MTSS2: variants seen among roughly 807,000 people sequenced by gnomAD.
MTSS2 encodes protein MTSS 2.
A neutral mutation model predicts 67.1 loss-of-function variants in MTSS2; 27 were observed. The observed-to-expected ratio is 0.40, with a 90% CI of 0.30 to 0.55. The LOEUF is 0.55. Among genes scored for constraint, MTSS2 ranks in the 20% least tolerant of loss-of-function variants. MTSS2 has a pLI of 0.43. For synonymous variants in MTSS2, 624 were observed against 468.6 expected, an observed-to-expected ratio of 1.33 and a Z score of -4.28; for missense variants, 1,171 against 1,067.8, an observed-to-expected ratio of 1.10 and a Z score of -1.35.
At position 70,661,691 on chromosome 16, in the gene MTSS2, C is replaced by T. The variant is rs749603793; in HGVS notation, c.*1986G>A. 3.9e-6 allele frequency: 1 copy of T among 256,900 alleles called. No homozygotes were observed. Among genetic ancestry groups the T allele is most frequent in the South Asian group, 4.0e-5 (1 of 24,878 alleles). 15.9% of individuals were successfully genotyped at this position (256,900 alleles called of 1,614,324 possible). The stretch of plus-strand genomic sequence containing the variant: ...GGGGATGGAGTAGAGTATGTACAGC[C>T]CCCGGGGCTCACAGGGGAGGGGGAC... On this transcript the variant is annotated 3_prime_UTR_variant, in exon 15 of 15. Coordinates refer to ENST00000338779, the MANE Select transcript of MTSS2 (RefSeq NM_138383.3).
rs2053181260 is a variant in MTSS2 at position 70,678,171 on chromosome 16, GA to G, written c.624+80del. 5 of 1,504,020 alleles carry G rather than the reference GA, an allele frequency of 3.3e-6. 1 individual carries two copies. 93.2% of individuals were successfully genotyped at this position (1,504,020 alleles called of 1,614,324 possible). On this transcript the variant is annotated intron_variant, in intron 8 of 14. Transcript: ENST00000338779. ...GATGCCCCCAGCCAGGGACTGCTGA[GA>G]AGTGACCCTTCTTGGAGGTCAGAAG...
chr16:70,668,126 A>C (rs2151917036), intron 11 of MTSS2, among the ~76,000 whole-genome samples: 1 of 152,182 alleles, frequency 6.6e-6, no homozygotes, highest in African/African-American at 2.4e-5. Context: ...TTTTCTATAA[A>C]GTCTGGCTGG....
intron 14 of MTSS2, 74 bp from the exon 15 acceptor site, chr16:70,664,523 AG>A: frequency 6.4e-7 from 1 of 1,573,660 alleles, no homozygotes; most frequent in Non-Finnish European, 8.6e-7. Context: ...GTGAGCACAG[AG>A]GGGGAAGGAC....
At position 70,665,488 on chromosome 16, in the gene MTSS2, C is replaced by A; in HGVS notation, c.1106G>T (p.Ser369Ile). 1 of 1,556,902 alleles carries A rather than the reference C, an allele frequency of 6.4e-7. No homozygotes were observed. Among genetic ancestry groups the A allele is most frequent in the Non-Finnish European group, 8.7e-7 (1 of 1,151,082 alleles). ...SEASETCQSV[S>I]ECSSPTSDWS... is the part of the protein sequence containing the mutation. The stretch of plus-strand genomic sequence containing the variant: ...GACCGAGGTGGGGGAGCTGCACTCG[C>A]TAACGGACTGGCAGGTTTCCGAGGC... Residue 369 changes from serine to isoleucine, a missense_variant, in exon 12 of 15, where the codon AGC becomes ATC. By Grantham distance (142) the Ser-to-Ile change is moderately radical (BLOSUM62 -2). This residue lies in a region of MTSS2 where 924 missense variants were observed against 756.0 expected (regional missense o/e 1.22). Transcript: ENST00000338779.
In MTSS2 at chr16:70,676,176, C is replaced by T. The variant is rs571602665; in HGVS notation, c.830+705G>A. 5.3e-5 allele frequency among the ~76,000 whole-genome samples: 8 copies of T among 152,352 alleles called. No individual in the cohort carries two copies. In the South Asian group the frequency reaches 1.4e-3, roughly 28 times the overall value. The stretch of plus-strand genomic sequence containing the variant: ...AGCACTTCACTCTGTGCTTACTGTC[C>T]TCCCCACCCAAGGAAGCTTGAACCA... On this transcript the variant is annotated intron_variant, in intron 10 of 14. Coordinates refer to ENST00000338779, the MANE Select transcript of MTSS2 (RefSeq NM_138383.3).
intron 6 of MTSS2, 133 bp from the exon 7 acceptor site, chr16:70,679,456 G>A: frequency 7.7e-7 from 1 of 1,294,964 alleles, no homozygotes; most frequent in Non-Finnish European, 1.1e-6. Flanking sequence ...GGAGGTTCTG[G>A]ACCAGGTTTG....
intron 1 of MTSS2, among the ~76,000 whole-genome samples, chr16:70,682,875 G>A (rs906724861): frequency 2.0e-5 from 3 of 152,142 alleles, no homozygotes; most frequent in East Asian, 1.9e-4. Flanking sequence ...ACAGAAGCCC[G>A]TAGAGGTTAG....
intron 11 of MTSS2, among the ~76,000 whole-genome samples, chr16:70,666,709 T>C (rs2052727014): frequency 6.6e-6 from 1 of 152,180 alleles, no homozygotes; most frequent in Non-Finnish European, 1.5e-5. Context: ...CTTTTGGCAA[T>C]ATGACGGTTA....
rs11538963 is a variant in MTSS2, at chr16:70,662,369, T to C, written c.*1308A>G. 0.17 allele frequency: 26,426 copies of C among 152,228 alleles called. 3,538 individuals are homozygous for C. The highest frequency in any genetic ancestry group is 0.38 in the African/African-American group (15,820 of 41,430). The allele number at this position is 152,228 out of a possible 1,614,324, so 9.4% of individuals were successfully genotyped here. On this transcript the variant is annotated 3_prime_UTR_variant, in exon 15 of 15. Coordinates refer to ENST00000338779, the MANE Select transcript of MTSS2 (RefSeq NM_138383.3). ...CCTGCTGAGACTTGGCGTGACTTGG[T>C]GCGTGGGGTGGGGGCAGCCTTGCCC...
intron 10 of MTSS2, among the ~76,000 whole-genome samples, chr16:70,676,379 C>T (rs2053116880): frequency 6.6e-6 from 1 of 152,206 alleles, no homozygotes; most frequent in East Asian, 1.9e-4. Flanking sequence ...CTCTTAGGAG[C>T]CAGCCAGGCT....
Position 70,677,816 on chromosome 16 carries a change from G to A in MTSS2, c.708C>T (p.His236=), listed in dbSNP as rs377250710. 38 of 1,611,396 alleles carry A rather than the reference G, an allele frequency of 2.4e-5. No individual in the cohort carries two copies. In the Admixed American group the frequency reaches 4.4e-4, roughly 18 times the overall value. ...CCTGCTCGCTGGCGGGAGGCAGTTTGTGGGGTTCTGCTGTCAGCACCACCA... is the reference window on the plus strand; with the variant it reads ...CCTGCTCGCTGGCGGGAGGCAGTTTATGGGGTTCTGCTGTCAGCACCACCA... ...DDLVVLTAEP[H]KLPPASEQVI... The change falls in exon 9 of 15, where the codon CAC becomes CAT. Residue 236 remains histidine, a synonymous_variant. Coordinates refer to ENST00000338779, the MANE Select transcript of MTSS2 (RefSeq NM_138383.3).
In MTSS2 at chr16:70,664,288, C is replaced by T. The variant is rs141044529; in HGVS notation, c.1633G>A (p.Ala545Thr). 48 of 1,563,792 alleles carry T rather than the reference C, an allele frequency of 3.1e-5. No homozygotes were observed. In the African/African-American group the frequency reaches 4.5e-4, roughly 15 times the overall value. ...AGGCCAGTGGCCGTGGGCAGCCCCG[C>T]GGTGGGCAGCCCAGCAGTGGAGGCT... ...RPASTAGLPT[A>T]GLPTATGLPS... The change falls in exon 15 of 15, where the codon GCG (alanine) becomes ACG (threonine). Residue 545 changes from alanine to threonine, a missense_variant. By Grantham distance (58) the Ala-to-Thr change is moderately conservative (BLOSUM62 0). Coordinates refer to ENST00000338779, the MANE Select transcript of MTSS2 (RefSeq NM_138383.3).
In MTSS2 at chr16:70,679,769, C is replaced by T. The variant is rs774217057; in HGVS notation, c.382+17G>A. The T allele has an allele frequency of 7.5e-6, 12 of 1,610,576 alleles. No homozygotes were observed. In the Admixed American group the frequency reaches 1.5e-4, roughly 20 times the overall value. On this transcript the variant is annotated intron_variant, in intron 5 of 14. Transcript: ENST00000338779. Reference sequence around the variant, plus strand: ...GCGGAGTGGGGGGTGGGAAGCCCGGCTCCGCGCCACCCTCACCTTTCGCGT... The same window carrying T: ...GCGGAGTGGGGGGTGGGAAGCCCGGTTCCGCGCCACCCTCACCTTTCGCGT...
At chr16:70,678,172 A>G in intron 8 of MTSS2, 80 bp downstream of exon 8, 1 of 1,505,174 alleles carries the variant, frequency 6.6e-7, no homozygotes, top group Non-Finnish European at 8.9e-7. Context: ...GACTGCTGAG[A>G]AGTGACCCTT....
At position 70,663,484 on chromosome 16, in the gene MTSS2, G is replaced by A. The variant is rs547820721; in HGVS notation, c.*193C>T. ...GGCCCAGGCCTGCAGGCTCCGTCCT[G>A]GCCAGGCTTGCTAAGAAGTCACTTC... On this transcript the variant is annotated 3_prime_UTR_variant, in exon 15 of 15. Transcript: ENST00000338779. 87 of 1,110,942 alleles carry A rather than the reference G, an allele frequency of 7.8e-5. No individual in the cohort carries two copies. The African/African-American group carries it at 1.0e-3, about 13-fold the overall frequency. The allele number at this position is 1,110,942 out of a possible 1,614,324, so 68.8% of individuals were successfully genotyped here.
chr16:70,663,440 TA>T lies in MTSS2; in HGVS notation c.*236del. The T allele has an allele frequency of 1.4e-6, 1 of 696,282 alleles. No homozygotes were observed. Among genetic ancestry groups the T allele is most frequent in the Non-Finnish European group, 2.3e-6 (1 of 444,398 alleles). 43.1% of individuals were successfully genotyped at this position (696,282 alleles called of 1,614,324 possible). On this transcript the variant is annotated 3_prime_UTR_variant, in exon 15 of 15. Transcript: ENST00000338779. ...GAGGAAGAGGAGGGACCGAAGAGCA[TA>T]AAACAGACCCCGAACCAGGCCCAGG...
intron 10 of MTSS2, among the ~76,000 whole-genome samples, chr16:70,675,904 A>G (rs1339864929): frequency 6.6e-6 from 1 of 152,206 alleles, no homozygotes; most frequent in Non-Finnish European, 1.5e-5. Context: ...TCACACCCTC[A>G]GCACAGCAAT....
chr16:70,677,634 C>T (rs888433710), intron 9 of MTSS2, among the ~76,000 whole-genome samples, 158 bp downstream of exon 9: 7 of 152,172 alleles, frequency 4.6e-5, no homozygotes, highest in African/African-American at 1.2e-4. Context: ...GCAGGTGCTC[C>T]GGGATGGCCT....
intron 1 of MTSS2, among the ~76,000 whole-genome samples, chr16:70,682,874 C>T (rs935122346): frequency 1.3e-5 from 2 of 152,136 alleles, no homozygotes; most frequent in African/African-American, 2.4e-5. Context: ...AACAGAAGCC[C>T]GTAGAGGTTA....
Sources: gnomAD v4.1 joint callset for allele counts (sites outside exome capture counted in the v4.1 genomes callset) on GRCh38, gnomAD v4.1.1 for gene constraint, gnomAD v4.1.1 regional missense constraint, MANE v1.5 for transcripts, NCBI Gene and HGNC (gene_info 2026-07-23, HGNC 2026-07-21) for gene names.